DNM2: variants seen among roughly 807,000 people sequenced by gnomAD.
DNM2 encodes dynamin 2, also known as dynamin-2.
In DNM2, 15 loss-of-function variants were observed where a neutral mutation model predicts 99.0. The ratio of observed to expected loss-of-function variants is 0.15; its 90% CI spans 0.10 to 0.23. DNM2 has a LOEUF of 0.23. DNM2 is among the 10% of genes least tolerant of loss of function. DNM2 has a pLI of 1.00. For missense variants in DNM2, 742 were observed against 1,189.4 expected (o/e 0.62, Z 5.53); for synonymous variants, 525 against 481.2 (o/e 1.09, Z -1.19).
In DNM2 at chr19:10,775,588, A is replaced by G; in HGVS notation, c.386-115A>G. 8.7e-7 allele frequency: 1 copy of G among 1,145,362 alleles called. No homozygotes were observed. The highest frequency in any genetic ancestry group is 1.3e-6 in the Non-Finnish European group (1 of 759,348). The allele number at this position is 1,145,362 out of a possible 1,614,324, so 70.9% of individuals were successfully genotyped here. On this transcript the variant is annotated intron_variant, in intron 3 of 20. Transcript: ENST00000389253. This position sits in a 1 kb window ranked among gnomAD's most constrained non-coding sequence, Gnocchi z 4.3. ...TGGTTCAGGCAGAGTGTCAGGCGAC[A>G]TCCTCAAGTCTGAGCCCCGCGCAGG...
chr19:10,807,309 C>A (rs2072372735), intron 13 of DNM2, among the ~76,000 whole-genome samples: 1 of 151,914 alleles, frequency 6.6e-6, no homozygotes, highest in African/African-American at 2.4e-5. Context: ...GGCACGATTT[C>A]AGCTCACTGC....
At chr19:10,782,354 CTTTT>C (rs2071407375) in intron 5 of DNM2, among the ~76,000 whole-genome samples, 2 of 149,228 alleles carry the variant, frequency 1.3e-5, no homozygotes, top group Admixed American at 6.7e-5. Context: ...TTTTCTTTTT[CTTTT>C]TCTTTTTCTC....
At chr19:10,745,408 A>G (rs1298396562) in intron 1 of DNM2, among the ~76,000 whole-genome samples, 1 of 152,162 alleles carries the variant, frequency 6.6e-6, no homozygotes, top group African/African-American at 2.4e-5. Flanking sequence ...CCTGCCCTCA[A>G]GGTGTTGATA....
chr19:10,795,537 G>A lies in DNM2; in HGVS notation c.1196+98G>A, dbSNP rs1407705904. 2 of 1,378,550 alleles carry A rather than the reference G, an allele frequency of 1.5e-6. No homozygotes were observed. The highest frequency in any genetic ancestry group is 2.3e-5 in the East Asian group (1 of 43,624). 85.4% of individuals were successfully genotyped at this position (1,378,550 alleles called of 1,614,324 possible). A position where few individuals can be genotyped will look rare whatever the true frequency, so the allele number is the denominator to read the frequency against. Reference sequence around the variant, plus strand: ...CACACCTCTGAGTCCCTAATCGTTAGGCCTTAAGAGGGCTCTTGGATGGTT... The same window carrying A: ...CACACCTCTGAGTCCCTAATCGTTAAGCCTTAAGAGGGCTCTTGGATGGTT... On this transcript the variant is annotated intron_variant, in intron 9 of 20. Coordinates refer to ENST00000389253, the MANE Select transcript of DNM2 (RefSeq NM_001005361.3). This position sits in a 1 kb window ranked among gnomAD's most constrained non-coding sequence, Gnocchi z 4.2.
chr19:10,746,640 G>C (rs900454815), intron 1 of DNM2, among the ~76,000 whole-genome samples: 4 of 150,542 alleles, frequency 2.7e-5, no homozygotes, highest in African/African-American at 9.8e-5. Flanking sequence ...GGCTGGTCTC[G>C]AACTCCCAAC....
intron 9 of DNM2, 125 bp from the exon 10 acceptor site, chr19:10,797,255 C>T (rs1159728961): frequency 7.2e-7 from 1 of 1,391,234 alleles, no homozygotes; most frequent in African/African-American, 1.4e-5. Flanking sequence ...GGCGCAGGCT[C>T]CCCCATGCAT....
intron 2 of DNM2, among the ~76,000 whole-genome samples, chr19:10,768,071 C>T (rs527926708): frequency 2.0e-5 from 3 of 152,222 alleles, no homozygotes; most frequent in East Asian, 1.9e-4. Flanking sequence ...AGGGAAGAAA[C>T]GGTTTTCTGG....
At chr19:10,806,077 C>A in intron 13 of DNM2, 110 bp downstream of exon 13, 1 of 1,364,534 alleles carries the variant, frequency 7.3e-7, no homozygotes, top group Non-Finnish European at 1.0e-6. Flanking sequence ...CACCCCACAG[C>A]CTCAGTACCA....
At chr19:10,773,634 T>A (rs543876787) in intron 3 of DNM2, among the ~76,000 whole-genome samples, 11 of 151,204 alleles carry the variant, frequency 7.3e-5, no homozygotes, top group South Asian at 4.2e-4. Flanking sequence ...TTATTTTTTA[T>A]TTTTTTTATT....
chr19:10,733,051 T>C (rs769324106), intron 1 of DNM2, among the ~76,000 whole-genome samples: 4 of 151,822 alleles, frequency 2.6e-5, no homozygotes, highest in Non-Finnish European at 5.9e-5. Context: ...GCCCAGCTAA[T>C]TTTTGTAGTT....
At chr19:10,729,754 C>T (rs1440592220) in intron 1 of DNM2, among the ~76,000 whole-genome samples, 3 of 152,198 alleles carry the variant, frequency 2.0e-5, no homozygotes, top group Admixed American at 2.0e-4. Context: ...TCCAGCTCTA[C>T]CTGGGAGCAC....
chr19:10,822,317 G>A (rs2056276216), intron 16 of DNM2, among the ~76,000 whole-genome samples: 1 of 151,538 alleles, frequency 6.6e-6, no homozygotes, highest in South Asian at 2.1e-4. Flanking sequence ...GGCCTCCCGA[G>A]TAGCTGGGAC....
At chr19:10,780,694 C>G (rs1288906142) in intron 5 of DNM2, among the ~76,000 whole-genome samples, 1 of 152,066 alleles carries the variant, frequency 6.6e-6, no homozygotes, top group Non-Finnish European at 1.5e-5. Context: ...TTGGAAAGCA[C>G]AGTTGGGAGG....
chr19:10,739,707 T>C (rs866458328), intron 1 of DNM2, among the ~76,000 whole-genome samples: 2 of 151,848 alleles, frequency 1.3e-5, no homozygotes, highest in Middle Eastern at 3.2e-3. Flanking sequence ...AATACAAAAA[T>C]TAGCTGGGTG....
chr19:10,744,375 A>G (rs1390306779), intron 1 of DNM2, among the ~76,000 whole-genome samples: 1 of 152,118 alleles, frequency 6.6e-6, no homozygotes, highest in East Asian at 1.9e-4. Context: ...AGACCTCAAG[A>G]ACGGGTCCGG....
chr19:10,741,151 A>T (rs2069731213), intron 1 of DNM2, among the ~76,000 whole-genome samples: 1 of 151,952 alleles, frequency 6.6e-6, no homozygotes, highest in South Asian at 2.1e-4. Flanking sequence ...CATTATTATT[A>T]TTTTTCTTGC....
At chr19:10,783,297 C>A (rs1173115432) in intron 6 of DNM2, among the ~76,000 whole-genome samples, 177 bp downstream of exon 6, 3 of 152,264 alleles carry the variant, frequency 2.0e-5, no homozygotes, top group East Asian at 3.9e-4. Context: ...GAGACCCCAT[C>A]TCTAGGAAAA....
chr19:10,791,056 A>C (rs1222050972), intron 7 of DNM2, among the ~76,000 whole-genome samples: 1 of 151,528 alleles, frequency 6.6e-6, no homozygotes, highest in Non-Finnish European at 1.5e-5. Flanking sequence ...GTGAACCACC[A>C]CGCCTGGCCT....
intron 6 of DNM2, among the ~76,000 whole-genome samples, chr19:10,785,024 A>G (rs745838270): frequency 5.9e-5 from 9 of 151,608 alleles, no homozygotes; most frequent in Non-Finnish European, 1.0e-4. Flanking sequence ...GGGTTTCACC[A>G]TGTTGGCCAG....
Sources: gnomAD v4.1 joint callset for allele counts (sites outside exome capture counted in the v4.1 genomes callset) on GRCh38, gnomAD v4.1.1 for gene constraint, Gnocchi (gnomAD v3.1) non-coding constraint, MANE v1.5 for transcripts, NCBI Gene and HGNC (gene_info 2026-07-23, HGNC 2026-07-21) for gene names.